CCDC85A: variants seen among roughly 807,000 people sequenced by gnomAD.
The protein encoded by CCDC85A is coiled-coil domain containing 85A.
A neutral mutation model predicts 50.2 loss-of-function variants in CCDC85A; 38 were observed. The observed-to-expected ratio is 0.76, with a 90% CI of 0.58 to 0.99. CCDC85A has a LOEUF of 0.99. Among genes scored for constraint, CCDC85A ranks in the 50% least tolerant of loss-of-function variants. The probability of loss-of-function intolerance (pLI) is 0.00; values close to 1 mark genes in which losing one functional copy is unlikely to be tolerated. For synonymous variants in CCDC85A, 366 were observed against 301.4 expected (o/e 1.21, Z -2.22); for missense variants, 820 against 742.0 (o/e 1.11, Z -1.22).
intron 2 of CCDC85A, among the ~76,000 whole-genome samples, chr2:56,198,388 G>A (rs2869499): frequency 6.6e-6 from 1 of 152,078 alleles, no homozygotes; most frequent in African/African-American, 2.4e-5. Flanking sequence ...GTGTATTTCT[G>A]TTGTGTGAAC....
chr2:56,214,501 C>T (rs768612566), intron 2 of CCDC85A, among the ~76,000 whole-genome samples: 3 of 151,712 alleles, frequency 2.0e-5, no homozygotes, highest in South Asian at 2.1e-4. Flanking sequence ...TTGCAGTGTA[C>T]GTTTAGGTAT....
chr2:56,230,107 G>C (rs528073190), intron 2 of CCDC85A, among the ~76,000 whole-genome samples: 1 of 152,248 alleles, frequency 6.6e-6, no homozygotes, highest in Admixed American at 6.5e-5. Context: ...AAGGTATTTG[G>C]CAACATCAAG....
At chr2:56,354,317 GAGGTATC>G (rs1010687986) in intron 3 of CCDC85A, among the ~76,000 whole-genome samples, 1 of 152,194 alleles carries the variant, frequency 6.6e-6, no homozygotes, top group African/African-American at 2.4e-5. Flanking sequence ...ACAAAGACAT[GAGGTATC>G]ACACATTAGT....
intron 2 of CCDC85A, among the ~76,000 whole-genome samples, chr2:56,327,504 C>T (rs999178550): frequency 6.6e-6 from 1 of 152,062 alleles, no homozygotes; most frequent in Non-Finnish European, 1.5e-5. Flanking sequence ...TTTAGAATCA[C>T]TCCTAAAGAT....
intron 5 of CCDC85A, chr2:56,383,707 G>T (rs775745233): frequency 8.6e-5 from 85 of 984,848 alleles, no homozygotes; most frequent in Non-Finnish European, 1.0e-4. Context: ...TTTACTAGTG[G>T]CCCTAAGACT....
intron 2 of CCDC85A, among the ~76,000 whole-genome samples, chr2:56,326,871 G>C (rs546654660): frequency 1.3e-5 from 2 of 151,452 alleles, no homozygotes; most frequent in South Asian, 4.2e-4. Context: ...AATTTTTTCA[G>C]TGCAAAGAGT....
At chr2:56,254,146 G>T (rs990406316) in intron 2 of CCDC85A, among the ~76,000 whole-genome samples, 3 of 152,080 alleles carry the variant, frequency 2.0e-5, no homozygotes, top group African/African-American at 7.2e-5. Flanking sequence ...CTCTTAGCAG[G>T]CAGGGTTAGC....
Position 56,343,562 on chromosome 2 carries a change from TG to T in CCDC85A, c.1317+610del, listed in dbSNP as rs1674481636. On this transcript the variant is annotated intron_variant, in intron 3 of 5. Coordinates refer to ENST00000407595, the MANE Select transcript of CCDC85A (RefSeq NM_001080433.2). ...CGTTTCACTTATAAAATTCTTTCCATGGGCTGTTAACTTGATGAGAATGATG... is the reference window on the plus strand; with the variant it reads ...CGTTTCACTTATAAAATTCTTTCCATGGCTGTTAACTTGATGAGAATGATG... 2.0e-5 allele frequency among the ~76,000 whole-genome samples: 3 copies of T among 152,228 alleles called. No individual in the cohort carries two copies. In the South Asian group the frequency reaches 6.2e-4, roughly 31 times the overall value.
At chr2:56,373,326 A>G (rs1203425796) in intron 4 of CCDC85A, among the ~76,000 whole-genome samples, 1 of 152,080 alleles carries the variant, frequency 6.6e-6, no homozygotes, top group Non-Finnish European at 1.5e-5. Flanking sequence ...TGTATACTCC[A>G]GGCAAAATAC....
intron 2 of CCDC85A, among the ~76,000 whole-genome samples, chr2:56,305,916 T>C (rs188288146): frequency 7.9e-4 from 120 of 152,306 alleles, no homozygotes; most frequent in African/African-American, 2.8e-3. Flanking sequence ...ATGTGAAGAT[T>C]GACACATTTC....
Position 56,304,772 on chromosome 2 carries a change from G to T in CCDC85A, c.1241-38107G>T, listed in dbSNP as rs186013864. Among the ~76,000 whole-genome samples the T allele has an allele frequency of 3.3e-3, 497 of 152,074 alleles. 1 individual carries two copies. The highest frequency in any genetic ancestry group is 0.012 in the African/African-American group (481 of 41,476). On this transcript the variant is annotated intron_variant, in intron 2 of 5. Transcript: ENST00000407595. Reference sequence around the variant, plus strand: ...AATAAAACTGTATGGGATAAGGCTGGGCGCAGCGGCTCACACCTGCAATCC... The same window carrying T: ...AATAAAACTGTATGGGATAAGGCTGTGCGCAGCGGCTCACACCTGCAATCC...
intron 3 of CCDC85A, among the ~76,000 whole-genome samples, chr2:56,344,625 T>C (rs1674541142): frequency 6.6e-6 from 1 of 152,168 alleles, no homozygotes; most frequent in African/African-American, 2.4e-5. Flanking sequence ...GGTGGGTTTG[T>C]TTTCTCTTTG....
intron 2 of CCDC85A, among the ~76,000 whole-genome samples, chr2:56,211,296 G>C (rs1253661989): frequency 6.6e-6 from 1 of 152,060 alleles, no homozygotes; most frequent in Non-Finnish European, 1.5e-5. Flanking sequence ...TGAAGTATGA[G>C]TCATGCTCAT....
At chr2:56,199,583 C>A (rs1488058503) in intron 2 of CCDC85A, among the ~76,000 whole-genome samples, 3 of 151,186 alleles carry the variant, frequency 2.0e-5, no homozygotes, top group Non-Finnish European at 4.4e-5. Context: ...TTTTTTTAAT[C>A]TCCTAAAAAT....
chr2:56,267,535 G>C (rs887952113), intron 2 of CCDC85A, among the ~76,000 whole-genome samples: 1 of 152,142 alleles, frequency 6.6e-6, no homozygotes, highest in Non-Finnish European at 1.5e-5. Flanking sequence ...AGTTCATTCT[G>C]ACTGGGACCA....
intron 2 of CCDC85A, among the ~76,000 whole-genome samples, chr2:56,322,280 C>A (rs1034928324): frequency 2.0e-5 from 3 of 152,018 alleles, no homozygotes; most frequent in Non-Finnish European, 2.9e-5. Flanking sequence ...AGCAAAAGCC[C>A]AAATTGACAA....
chr2:56,314,342 C>A lies in CCDC85A; in HGVS notation c.1241-28537C>A, dbSNP rs1364768608. Among the ~76,000 whole-genome samples, 6 of 151,708 alleles carry A rather than the reference C, an allele frequency of 4.0e-5. No homozygotes were observed. In the South Asian group the frequency reaches 1.0e-3, roughly 26 times the overall value. ...CCTGCTCTTCCACATACTAAGCCTG[C>A]AATCTTTAGGAAGTTTTTTTTTCTT... On this transcript the variant is annotated intron_variant, in intron 2 of 5. Coordinates refer to ENST00000407595, the MANE Select transcript of CCDC85A (RefSeq NM_001080433.2).
At chr2:56,266,345 G>T (rs1430999961) in intron 2 of CCDC85A, among the ~76,000 whole-genome samples, 1 of 152,164 alleles carries the variant, frequency 6.6e-6, no homozygotes, top group Non-Finnish European at 1.5e-5. Flanking sequence ...TGAGATGGGA[G>T]GATTGCTTTA....
rs762140026 is a variant in CCDC85A, at chr2:56,192,828, G to A, written c.628G>A (p.Gly210Ser). 1.9e-6 allele frequency: 3 copies of A among 1,613,314 alleles called. No homozygotes were observed. Among genetic ancestry groups the A allele is most frequent in the South Asian group, 2.2e-5 (2 of 91,038 alleles). ...ACCCTACGTGCGGGATGTGGGTGAC[G>A]GCAGCAGCACCTCCAGCACTGGCAG... ...TAPYVRDVGDGSSTSSTGSTD... is the reference protein window; with the variant it reads ...TAPYVRDVGDSSSTSSTGSTD... Residue 210 changes from glycine to serine, a missense_variant, in exon 2 of 6, where the codon GGC becomes AGC. Transcript: ENST00000407595. This position sits in a 1 kb window ranked among gnomAD's most constrained non-coding sequence, Gnocchi z 4.7.
Sources: gnomAD v4.1 joint callset for allele counts (sites outside exome capture counted in the v4.1 genomes callset) on GRCh38, gnomAD v4.1.1 for gene constraint, Gnocchi (gnomAD v3.1) non-coding constraint, MANE v1.5 for transcripts, NCBI Gene and HGNC (gene_info 2026-07-23, HGNC 2026-07-21) for gene names.